The following XKR6 variants were observed in gnomAD, a reference collection of about 807,000 sequenced individuals.
XKR6 encodes the protein XK related 6, also known as XK-related protein 6.
XKR6 carries 22 observed loss-of-function variants against 56.7 expected under a neutral mutation model. That is an observed-to-expected ratio of 0.39 (90% CI 0.28 to 0.55). XKR6 has a LOEUF of 0.55. Among genes scored for constraint, XKR6 ranks in the 20% least tolerant of loss-of-function variants. XKR6 has a pLI of 0.66. For missense variants in XKR6, 852 were observed against 889.0 expected, an observed-to-expected ratio of 0.96 and a Z score of 0.53; for synonymous variants, 524 against 387.8, an observed-to-expected ratio of 1.35 and a Z score of -4.13.
chr8:10,937,691 G>C (rs1294511427), intron 1 of XKR6, among the ~76,000 whole-genome samples: 3 of 148,004 alleles, frequency 2.0e-5, no homozygotes, highest in East Asian at 2.0e-4. Flanking sequence ...CTGCTGGGGG[G>C]TGCCTCCCAG....
At chr8:11,060,262 A>T (rs1261857495) in intron 1 of XKR6, among the ~76,000 whole-genome samples, 1 of 152,124 alleles carries the variant, frequency 6.6e-6, no homozygotes, top group Non-Finnish European at 1.5e-5. Flanking sequence ...TGAGACAGCT[A>T]GTGTGGGGAG....
chr8:11,131,087 T>A (rs575863551), intron 1 of XKR6, among the ~76,000 whole-genome samples: 2 of 152,250 alleles, frequency 1.3e-5, no homozygotes, highest in East Asian at 3.9e-4. Context: ...TGGATGGTAA[T>A]CCTTGTTCAC....
At chr8:11,117,287 C>T (rs1188438808) in intron 1 of XKR6, among the ~76,000 whole-genome samples, 1 of 152,214 alleles carries the variant, frequency 6.6e-6, no homozygotes, top group Admixed American at 6.5e-5. Context: ...CTGACAGATT[C>T]TAAGATTTCC....
intron 2 of XKR6, among the ~76,000 whole-genome samples, chr8:10,920,594 T>G (rs1395748865): frequency 6.6e-6 from 1 of 152,250 alleles, no homozygotes; most frequent in Non-Finnish European, 1.5e-5. Context: ...ACTGATTTTC[T>G]TTAAGGCTTG....
chr8:10,938,267 G>A (rs1380395474), intron 1 of XKR6, among the ~76,000 whole-genome samples: 2 of 152,122 alleles, frequency 1.3e-5, no homozygotes, highest in African/African-American at 2.4e-5. Context: ...GCTCGCGCAC[G>A]GTGCGCGCAC....
intron 1 of XKR6, among the ~76,000 whole-genome samples, chr8:11,039,779 G>C (rs995985894): frequency 6.6e-6 from 1 of 152,174 alleles, no homozygotes; most frequent in Non-Finnish European, 1.5e-5. Flanking sequence ...ATAAGTGCAC[G>C]TCCCGGCCCT....
intron 1 of XKR6, among the ~76,000 whole-genome samples, chr8:11,172,449 A>G (rs1245289623): frequency 3.3e-5 from 5 of 152,178 alleles, no homozygotes; most frequent in African/African-American, 1.2e-4. Flanking sequence ...ACCAAGGTAC[A>G]TAACGTTATA....
intron 1 of XKR6, among the ~76,000 whole-genome samples, chr8:11,022,870 G>A (rs921890385): frequency 6.6e-6 from 1 of 151,972 alleles, no homozygotes; most frequent in Non-Finnish European, 1.5e-5. Context: ...AGTTCCTCAG[G>A]CACCTGTGTA....
At chr8:10,951,223 T>C (rs1159511149) in intron 1 of XKR6, among the ~76,000 whole-genome samples, 5 of 146,474 alleles carry the variant, frequency 3.4e-5, no homozygotes, top group Non-Finnish European at 5.9e-5. Context: ...GAGCAAATAG[T>C]GATGGAAACT....
intron 1 of XKR6, among the ~76,000 whole-genome samples, chr8:11,082,204 T>C (rs548495017): frequency 1.3e-5 from 2 of 152,318 alleles, no homozygotes; most frequent in Admixed American, 6.5e-5. Context: ...CTCTCCTGTT[T>C]GTTCGGGGGG....
intron 1 of XKR6, among the ~76,000 whole-genome samples, chr8:10,968,128 G>T (rs1802284724): frequency 6.6e-6 from 1 of 152,192 alleles, no homozygotes; most frequent in Non-Finnish European, 1.5e-5. Context: ...GGATCCTGGA[G>T]CTCAGGCAGG....
intron 1 of XKR6, among the ~76,000 whole-genome samples, chr8:11,072,277 C>T (rs1299595699): frequency 2.0e-5 from 3 of 152,084 alleles, no homozygotes; most frequent in African/African-American, 7.2e-5. Flanking sequence ...CAGGGCTCCA[C>T]CCCCTCTCTG....
intron 1 of XKR6, among the ~76,000 whole-genome samples, chr8:11,030,920 T>C (rs1798979089): frequency 1.3e-5 from 2 of 152,196 alleles, no homozygotes; most frequent in Non-Finnish European, 2.9e-5. Flanking sequence ...AACTGCCCTA[T>C]GAAGTAGGTA....
chr8:11,147,292 T>C (rs769018973), intron 1 of XKR6, among the ~76,000 whole-genome samples: 6 of 152,018 alleles, frequency 3.9e-5, no homozygotes, highest in Non-Finnish European at 8.8e-5. Context: ...AGAATAAAGA[T>C]TCCTCAAAAA....
At chr8:11,120,421 A>C (rs900747598) in intron 1 of XKR6, among the ~76,000 whole-genome samples, 1 of 152,304 alleles carries the variant, frequency 6.6e-6, no homozygotes, top group East Asian at 1.9e-4. Context: ...AATCATGAGT[A>C]AACTCCCATT....
At chr8:11,172,575 C>T (rs1802435388) in intron 1 of XKR6, among the ~76,000 whole-genome samples, 2 of 152,258 alleles carry the variant, frequency 1.3e-5, no homozygotes, top group Middle Eastern at 3.4e-3. Flanking sequence ...ATTGACCTCC[C>T]TGTTCTGAGC....
chr8:11,184,386 C>CT (rs1803157608), intron 1 of XKR6, among the ~76,000 whole-genome samples: 4 of 110,536 alleles, frequency 3.6e-5, no homozygotes, highest in Admixed American at 1.7e-4. Flanking sequence ...TATATACACA[C>CT]ATACACACAC....
chr8:11,135,377 C>A (rs1800335298), intron 1 of XKR6, among the ~76,000 whole-genome samples: 1 of 152,062 alleles, frequency 6.6e-6, no homozygotes, highest in South Asian at 2.1e-4. Flanking sequence ...TTTCTGCCAC[C>A]CTGTAATTTA....
chr8:10,915,768 G>C (rs1051185074), intron 2 of XKR6, among the ~76,000 whole-genome samples: 1 of 152,220 alleles, frequency 6.6e-6, no homozygotes, highest in East Asian at 1.9e-4. Context: ...CAAAATGAGA[G>C]GAGAAACACA....
Sources: gnomAD v4.1 joint callset for allele counts (sites outside exome capture counted in the v4.1 genomes callset) on GRCh38, gnomAD v4.1.1 for gene constraint, MANE v1.5 for transcripts, NCBI Gene and HGNC (gene_info 2026-07-23, HGNC 2026-07-21) for gene names.